The following STAMBP variants were observed in gnomAD, a reference collection of about 807,000 sequenced individuals.
STAMBP encodes STAM binding protein.
In STAMBP, 31 loss-of-function variants were observed where a neutral mutation model predicts 50.7. That is an observed-to-expected ratio of 0.61 (90% CI 0.46 to 0.83). The LOEUF is 0.83. Ranked by LOEUF, STAMBP falls within the 40% of genes least tolerant of loss-of-function variation. The pLI is 0.00. For synonymous variants in STAMBP, 211 were observed against 192.4 expected (o/e 1.10, Z -0.80); for missense variants, 472 against 518.9 (o/e 0.91, Z 0.88).
intron 9 of STAMBP, among the ~76,000 whole-genome samples, chr2:73,860,789 T>C (rs1678242629): frequency 1.3e-5 from 2 of 152,182 alleles, no homozygotes; most frequent in Non-Finnish European, 2.9e-5. Context: ...TTATTTCTTT[T>C]GGGTTCAGAG....
chr2:73,834,234 AAAATATATATAT>A (rs1674398477), intron 2 of STAMBP, among the ~76,000 whole-genome samples: 2 of 16,768 alleles, frequency 1.2e-4, no homozygotes, highest in Admixed American at 1.1e-3. Context: ...AAAAAAAAAA[AAAATATATATAT>A]ATATATATAT....
At chr2:73,838,128 T>C (rs1295035354) in intron 2 of STAMBP, among the ~76,000 whole-genome samples, 1 of 152,158 alleles carries the variant, frequency 6.6e-6, no homozygotes, top group African/African-American at 2.4e-5. Flanking sequence ...GAATGGACAG[T>C]AAGAAAGTGG....
chr2:73,849,409 G>C lies in STAMBP; in HGVS notation c.789G>C (p.Leu263=). The change falls in exon 6 of 10, where the codon CTG becomes CTC. Residue 263 remains leucine (L), a synonymous_variant. Coordinates refer to ENST00000394070, the MANE Select transcript of STAMBP (RefSeq NM_213622.4). ...GLRHVVVPGR[L]CPQFLQLASA... Reference sequence around the variant, plus strand: ...GCCATGTGGTGGTGCCTGGGCGGCTGTGCCCACAGTTTCTCCAGTTAGCCA... The same window carrying C: ...GCCATGTGGTGGTGCCTGGGCGGCTCTGCCCACAGTTTCTCCAGTTAGCCA... 2 of 1,614,020 alleles carry C rather than the reference G, an allele frequency of 1.2e-6. No individual in the cohort carries two copies. The highest frequency in any genetic ancestry group is 1.7e-6 in the Non-Finnish European group (2 of 1,179,980).
chr2:73,841,509 T>G (rs1224118373), intron 2 of STAMBP, among the ~76,000 whole-genome samples: 1 of 152,262 alleles, frequency 6.6e-6, no homozygotes, highest in Non-Finnish European at 1.5e-5. Context: ...TACAATTTTA[T>G]GGACAGGATA....
chr2:73,833,876 TG>T (rs1674256947), intron 2 of STAMBP, among the ~76,000 whole-genome samples: 1 of 151,882 alleles, frequency 6.6e-6, no homozygotes, highest in Non-Finnish European at 1.5e-5. Flanking sequence ...AGCTGACCCC[TG>T]AACAACACAG....
intron 8 of STAMBP, 107 bp from the exon 9 acceptor site, chr2:73,859,945 C>T (rs1678124168): frequency 5.4e-6 from 4 of 740,934 alleles, no homozygotes; most frequent in Non-Finnish European, 9.4e-6. Context: ...TCACAATGAC[C>T]TCTGCCCTGC....
Position 73,835,123 on chromosome 2 carries a change from C to G in STAMBP, c.203+4064C>G, listed in dbSNP as rs577916190. The stretch of plus-strand genomic sequence containing the variant: ...GCACAGTGGCTCACGCCTGTGATCT[C>G]AGCACTTTGGGAGGCCACCCTGGAG... On this transcript the variant is annotated intron_variant, in intron 2 of 9. Coordinates refer to ENST00000394070, the MANE Select transcript of STAMBP (RefSeq NM_213622.4). 5.3e-5 allele frequency among the ~76,000 whole-genome samples: 8 copies of G among 152,250 alleles called. No individual in the cohort carries two copies. In the South Asian group the frequency reaches 1.5e-3, roughly 28 times the overall value.
intron 2 of STAMBP, among the ~76,000 whole-genome samples, chr2:73,834,233 AAAAATATATATATATATATATATATAT>A (rs1317628611): frequency 8.0e-4 from 11 of 13,666 alleles, no homozygotes; most frequent in African/African-American, 3.4e-3. Context: ...AAAAAAAAAA[AAAAATATATATATATATATATATATAT>A]ATATATATAT....
chr2:73,851,891 C>T (rs1472992241), intron 7 of STAMBP, among the ~76,000 whole-genome samples: 1 of 152,144 alleles, frequency 6.6e-6, no homozygotes, highest in Non-Finnish European at 1.5e-5. Flanking sequence ...CCACCCGCCT[C>T]AGCCTCCCAA....
intron 2 of STAMBP, among the ~76,000 whole-genome samples, chr2:73,834,979 G>T (rs1225551771): frequency 6.6e-6 from 1 of 152,184 alleles, no homozygotes. Context: ...GACTTTATGG[G>T]CCATGGTAAG....
chr2:73,838,552 A>T (rs917723916), intron 2 of STAMBP, among the ~76,000 whole-genome samples: 1 of 152,234 alleles, frequency 6.6e-6, no homozygotes, highest in African/African-American at 2.4e-5. Context: ...AGTCCAGAAG[A>T]GAGCTTAGCT....
chr2:73,869,269 T>TAAC (rs1429139637), downstream of STAMBP, among the ~76,000 whole-genome samples: 3 of 152,144 alleles, frequency 2.0e-5, no homozygotes, highest in African/African-American at 7.2e-5. Context: ...AAAAATCTAA[T>TAAC]TCAGCACATA....
intron 5 of STAMBP, 122 bp from the exon 6 acceptor site, chr2:73,849,241 A>G (rs1676499164): frequency 6.9e-7 from 1 of 1,446,678 alleles, no homozygotes; most frequent in Non-Finnish European, 9.6e-7. Context: ...ATCCCTACTC[A>G]CTGCCTGAAG....
intron 7 of STAMBP, among the ~76,000 whole-genome samples, chr2:73,854,410 C>T (rs1310988841): frequency 6.6e-6 from 1 of 152,144 alleles, no homozygotes; most frequent in Non-Finnish European, 1.5e-5. Flanking sequence ...TTTTAAGTAT[C>T]AGTGAGGGTC....
In STAMBP at chr2:73,864,954, C is replaced by A. The variant is rs1216071778; in HGVS notation, c.*2695C>A. ...GGACCAAAGGGGAAGAAGAAGAAACCCTTAAGCTTTTGTAATATTGTCTTG... is the reference window on the plus strand; with the variant it reads ...GGACCAAAGGGGAAGAAGAAGAAACACTTAAGCTTTTGTAATATTGTCTTG... On this transcript the variant is annotated 3_prime_UTR_variant, in exon 10 of 10. Coordinates refer to ENST00000394070, the MANE Select transcript of STAMBP (RefSeq NM_213622.4). The A allele has an allele frequency of 6.6e-6, 1 of 152,018 alleles. No individual in the cohort carries two copies. Among genetic ancestry groups the A allele is most frequent in the Non-Finnish European group, 1.5e-5 (1 of 68,002 alleles). 9.4% of individuals were successfully genotyped at this position (152,018 alleles called of 1,614,324 possible).
chr2:73,839,390 G>GT (rs1256704831), intron 2 of STAMBP, among the ~76,000 whole-genome samples: 1 of 152,216 alleles, frequency 6.6e-6, no homozygotes, highest in East Asian at 1.9e-4. Flanking sequence ...GGGAGTGAGA[G>GT]TATTCAGGCA....
At position 73,836,928 on chromosome 2, in the gene STAMBP, T is replaced by C. The variant is rs536258995; in HGVS notation, c.203+5869T>C. Among the ~76,000 whole-genome samples, 9 of 152,338 alleles carry C rather than the reference T, an allele frequency of 5.9e-5. No homozygotes were observed. In the South Asian group the frequency reaches 1.7e-3, roughly 28 times the overall value. ...CCCGGGGCTCAGGATTCCTGAGGCATGCAGAGAAGGGCCTGAGAATGCCTG... is the reference window on the plus strand; with the variant it reads ...CCCGGGGCTCAGGATTCCTGAGGCACGCAGAGAAGGGCCTGAGAATGCCTG... On this transcript the variant is annotated intron_variant, in intron 2 of 9. Transcript: ENST00000394070.
At chr2:73,861,613 G>A (rs968339578) in intron 9 of STAMBP, among the ~76,000 whole-genome samples, 2 of 151,856 alleles carry the variant, frequency 1.3e-5, no homozygotes, top group African/African-American at 4.8e-5. Flanking sequence ...CTGCCCCCCA[G>A]GTTCAAACAA....
intron 2 of STAMBP, among the ~76,000 whole-genome samples, chr2:73,833,958 C>T (rs957362355): frequency 6.6e-6 from 1 of 151,842 alleles, no homozygotes; most frequent in Non-Finnish European, 1.5e-5. Flanking sequence ...CACCTGTAAT[C>T]CCAGCACTTT....
Sources: allele counts gnomAD v4.1 joint callset (sites outside exome capture counted in the v4.1 genomes callset), GRCh38; gene constraint gnomAD v4.1.1; transcripts MANE v1.5; gene names NCBI Gene and HGNC (gene_info 2026-07-23, HGNC 2026-07-21).